Variants in TMCC1 observed in about 807,000 individuals in gnomAD.
TMCC1 encodes the protein transmembrane and coiled-coil domains protein 1.
A neutral mutation model predicts 52.4 loss-of-function variants in TMCC1; 15 were observed. The observed-to-expected ratio is 0.29, with a 90% confidence interval of 0.19 to 0.44. The LOEUF (loss-of-function observed/expected upper bound fraction) is 0.44. TMCC1 is among the 20% of genes least tolerant of loss of function. TMCC1 has a pLI of 1.00. For synonymous variants in TMCC1, 279 were observed against 301.9 expected (o/e 0.92, Z 0.79); for missense variants, 503 against 806.0 (o/e 0.62, Z 4.55).
intron 4 of TMCC1, among the ~76,000 whole-genome samples, chr3:129,695,252 G>A (rs1371907846): frequency 6.6e-6 from 1 of 152,040 alleles, no homozygotes; most frequent in Admixed American, 6.6e-5. Flanking sequence ...AATGCTGGGT[G>A]TTGTCTATTG....
At chr3:129,699,758 T>C (rs992377073) in intron 4 of TMCC1, among the ~76,000 whole-genome samples, 1 of 152,020 alleles carries the variant, frequency 6.6e-6, no homozygotes, top group Non-Finnish European at 1.5e-5. Context: ...TCCATCTCTA[T>C]CAAAACTAAC....
Position 129,822,480 on chromosome 3 carries a change from G to A in TMCC1, c.576+5323C>T, listed in dbSNP as rs189986377. Among the ~76,000 whole-genome samples, 7 of 152,296 alleles carry A rather than the reference G, an allele frequency of 4.6e-5. No individual in the cohort carries two copies. The East Asian group carries it at 1.4e-3, about 29-fold the overall frequency. ...ATAATAACATAAGAAACCAGAGGTAGTGATGAAATCAGTCTTTGTCACTGC... is the reference window on the plus strand; with the variant it reads ...ATAATAACATAAGAAACCAGAGGTAATGATGAAATCAGTCTTTGTCACTGC... On this transcript the variant is annotated intron_variant, in intron 4 of 6. Transcript: ENST00000393238.
chr3:129,853,687 G>A (rs575042637), intron 2 of TMCC1, among the ~76,000 whole-genome samples: 1 of 150,328 alleles, frequency 6.7e-6, no homozygotes, highest in Admixed American at 6.6e-5. Context: ...AAAATAAGAG[G>A]ATATATCTAA....
intron 4 of TMCC1, among the ~76,000 whole-genome samples, chr3:129,758,747 T>C (rs776018557): frequency 6.6e-6 from 1 of 152,216 alleles, no homozygotes; most frequent in Non-Finnish European, 1.5e-5. Flanking sequence ...GTGTCAAATA[T>C]ATTCACATTG....
At chr3:129,673,496 ATCTC>A (rs2088140853) in intron 4 of TMCC1, among the ~76,000 whole-genome samples, 1 of 152,206 alleles carries the variant, frequency 6.6e-6, no homozygotes, top group Non-Finnish European at 1.5e-5. Context: ...TGCTCTAGTT[ATCTC>A]TCTCTTAGGT....
Position 129,649,413 on chromosome 3 carries a change from T to C in TMCC1, c.*2068A>G, listed in dbSNP as rs1049496507. ...AATTTGTTTTTGGCATGAACATGAA[T>C]TGGTTCTAATTTTTTTTTTTTTAAA... On this transcript the variant is annotated 3_prime_UTR_variant, in exon 7 of 7. Coordinates refer to ENST00000393238, the MANE Select transcript of TMCC1 (RefSeq NM_001017395.5). The C allele has an allele frequency of 6.6e-6, 1 of 152,218 alleles. No homozygotes were observed. Among genetic ancestry groups the C allele is most frequent in the African/African-American group, 2.4e-5 (1 of 41,370 alleles). 9.4% of individuals were successfully genotyped at this position (152,218 alleles called of 1,614,324 possible).
In TMCC1 at chr3:129,671,220, T is replaced by A; in HGVS notation, c.621A>T (p.Ala207=). ...TGCTGCCATCGGTACTGGAGGCCAC[T>A]GCACTGGATGTTTGGGCAAGGCTGC... is the stretch of plus-strand genomic sequence containing the variant. ...EVSSLAQTSS[A]VASSTDGSIH... The change falls in exon 5 of 7, where the codon GCA becomes GCT. Residue 207 remains alanine (A), a synonymous_variant. Transcript: ENST00000393238. 6.2e-7 allele frequency: 1 copy of A among 1,613,872 alleles called. No individual in the cohort carries two copies. Among genetic ancestry groups the A allele is most frequent in the South Asian group, 1.1e-5 (1 of 91,024 alleles).
At chr3:129,833,592 G>C (rs1196751739) in intron 2 of TMCC1, among the ~76,000 whole-genome samples, 5 of 151,774 alleles carry the variant, frequency 3.3e-5, no homozygotes, top group African/African-American at 4.8e-5. Flanking sequence ...ACAACAACAA[G>C]AAGAACAAAA....
At chr3:129,761,617 C>T (rs2053603332) in intron 4 of TMCC1, among the ~76,000 whole-genome samples, 1 of 152,078 alleles carries the variant, frequency 6.6e-6, no homozygotes, top group Admixed American at 6.5e-5. Flanking sequence ...AGATAAAATC[C>T]CTGTGCTTCC....
At chr3:129,834,628 A>G (rs1321476785) in intron 2 of TMCC1, among the ~76,000 whole-genome samples, 2 of 152,174 alleles carry the variant, frequency 1.3e-5, no homozygotes, top group African/African-American at 4.8e-5. Flanking sequence ...GGGAAAGATG[A>G]TAATCAGAGA....
chr3:129,680,980 A>G (rs898717928), intron 4 of TMCC1, among the ~76,000 whole-genome samples: 2 of 152,124 alleles, frequency 1.3e-5, no homozygotes, highest in African/African-American at 4.8e-5. Flanking sequence ...CCTAAAATTT[A>G]TTAACTATGT....
At chr3:129,746,692 A>G (rs2052007634) in intron 4 of TMCC1, among the ~76,000 whole-genome samples, 1 of 152,202 alleles carries the variant, frequency 6.6e-6, no homozygotes, top group Non-Finnish European at 1.5e-5. Context: ...GGAGCAATAT[A>G]AGGAATATCT....
At chr3:129,736,774 C>A (rs1430135559) in intron 4 of TMCC1, among the ~76,000 whole-genome samples, 4 of 152,034 alleles carry the variant, frequency 2.6e-5, no homozygotes, top group Admixed American at 1.3e-4. Flanking sequence ...CCTGGCTCAG[C>A]CTCCCAAAGT....
intron 2 of TMCC1, among the ~76,000 whole-genome samples, chr3:129,843,521 A>C (rs1056598835): frequency 5.9e-5 from 9 of 152,122 alleles, no homozygotes; most frequent in Non-Finnish European, 1.0e-4. Flanking sequence ...ATAAATTACC[A>C]ATATCAGGAA....
intron 4 of TMCC1, among the ~76,000 whole-genome samples, chr3:129,749,348 G>C (rs2052289158): frequency 6.6e-6 from 1 of 151,928 alleles, no homozygotes; most frequent in African/African-American, 2.4e-5. Flanking sequence ...ATATTAATGA[G>C]AATAAATGAC....
intron 4 of TMCC1, among the ~76,000 whole-genome samples, chr3:129,736,722 G>GTGTT (rs888385111): frequency 2.0e-4 from 30 of 151,836 alleles, no homozygotes; most frequent in African/African-American, 6.8e-4. Flanking sequence ...GGGTTTCACT[G>GTGTT]TGTTGGTCAG....
intron 4 of TMCC1, among the ~76,000 whole-genome samples, chr3:129,782,993 CT>C (rs1419191067): frequency 6.6e-6 from 1 of 152,104 alleles, no homozygotes; most frequent in Non-Finnish European, 1.5e-5. Context: ...TTACAGTAGC[CT>C]TTTGACTTAA....
At chr3:129,881,917 G>A (rs575106917) in intron 1 of TMCC1, among the ~76,000 whole-genome samples, 1 of 152,236 alleles carries the variant, frequency 6.6e-6, no homozygotes, top group East Asian at 1.9e-4. Flanking sequence ...TCCGAGGAGC[G>A]ATGTGTGACT....
At chr3:129,871,686 T>G (rs575472607) in intron 2 of TMCC1, among the ~76,000 whole-genome samples, 59 of 152,148 alleles carry the variant, frequency 3.9e-4, no homozygotes, top group Admixed American at 1.7e-3. Context: ...CTAATTCCAT[T>G]ACATAAACGG....
Sources: gnomAD v4.1 joint callset for allele counts (sites outside exome capture counted in the v4.1 genomes callset) on GRCh38, gnomAD v4.1.1 for gene constraint, MANE v1.5 for transcripts, NCBI Gene and HGNC (gene_info 2026-07-23, HGNC 2026-07-21) for gene names.